The following CEP68 variants were observed in gnomAD, a reference collection of about 807,000 sequenced individuals.
The protein encoded by CEP68 is centrosomal protein 68.
Under a neutral mutation model 55.3 loss-of-function variants are expected in CEP68, and 26 were observed. The ratio of observed to expected loss-of-function variants is 0.47; its 90% confidence interval spans 0.34 to 0.65. The LOEUF is 0.65. Ranked by LOEUF, CEP68 falls within the 30% of genes least tolerant of loss-of-function variation. The pLI is 0.01. For missense variants in CEP68, 957 were observed against 946.7 expected (o/e 1.01, Z -0.14); for synonymous variants, 402 against 383.2 (o/e 1.05, Z -0.57).
At chr2:65,079,204 G>C (rs547054378) in intron 5 of CEP68, among the ~76,000 whole-genome samples, 1 of 152,234 alleles carries the variant, frequency 6.6e-6, no homozygotes, top group African/African-American at 2.4e-5. Context: ...GCACTTTCCT[G>C]ACCAGCATGG....
In CEP68 at chr2:65,079,112, T is replaced by C. The variant is rs146803167; in HGVS notation, c.2104+1148T>C. On this transcript the variant is annotated intron_variant, in intron 5 of 6. Transcript: ENST00000377990. ...TATATTATGCCTCATTTTACATTTT[T>C]GAGTGAGATGGGATTTATACTGGAA... 1.2e-3 allele frequency among the ~76,000 whole-genome samples: 190 copies of C among 152,234 alleles called. 1 individual carries two copies. Among genetic ancestry groups the C allele is most frequent in the African/African-American group, 4.2e-3 (173 of 41,528 alleles).
At chr2:65,065,621 T>C (rs1251458234) in intron 1 of CEP68, among the ~76,000 whole-genome samples, 4 of 152,156 alleles carry the variant, frequency 2.6e-5, no homozygotes, top group Admixed American at 1.3e-4. Flanking sequence ...CACTTTTAAA[T>C]TAAATAGTGA....
At chr2:65,079,300 A>C (rs754370731) in intron 5 of CEP68, among the ~76,000 whole-genome samples, 1 of 152,046 alleles carries the variant, frequency 6.6e-6, no homozygotes. Flanking sequence ...TTTTGTGGGG[A>C]ATTGTCCTAT....
chr2:65,072,884 G>C lies in CEP68; in HGVS notation c.1788G>C (p.Arg596Ser). ...LLKTRPSLPA[R>S]LDRWPFSDPD... ...AAACACGCCCCTCCTTGCCAGCTAG[G>C]TTGGACCGGTGGCCATTCTCAGACC... is the stretch of plus-strand genomic sequence containing the variant. Residue 596 changes from arginine (R) to serine (S), a missense_variant, in exon 3 of 7, where the codon AGG becomes AGC. By Grantham distance (110) the Arg-to-Ser change is moderately radical. Coordinates refer to ENST00000377990, the MANE Select transcript of CEP68 (RefSeq NM_015147.3). 1 of 1,614,230 alleles carries C rather than the reference G, an allele frequency of 6.2e-7. No homozygotes were observed. The highest frequency in any genetic ancestry group is 1.7e-5 in the Admixed American group (1 of 60,032).
At chr2:65,068,893 C>A (rs1350968145) in intron 1 of CEP68, among the ~76,000 whole-genome samples, 2 of 152,180 alleles carry the variant, frequency 1.3e-5, no homozygotes, top group Non-Finnish European at 2.9e-5. Flanking sequence ...AGCCAAGCAT[C>A]TTGGAGGGCA....
At chr2:65,057,493 C>T (rs1245361569) in intron 1 of CEP68, among the ~76,000 whole-genome samples, 1 of 152,206 alleles carries the variant, frequency 6.6e-6, no homozygotes, top group Non-Finnish European at 1.5e-5. Context: ...TCAGTTTAAC[C>T]TCTTTTGCGC....
intron 4 of CEP68, among the ~76,000 whole-genome samples, chr2:65,077,332 A>G (rs1299303648): frequency 6.6e-6 from 1 of 152,162 alleles, no homozygotes; most frequent in Non-Finnish European, 1.5e-5. Flanking sequence ...ACAAACATCA[A>G]GAACACCAGC....
chr2:65,067,399 G>C (rs553586281), intron 1 of CEP68, among the ~76,000 whole-genome samples: 6 of 152,028 alleles, frequency 3.9e-5, no homozygotes, highest in Non-Finnish European at 8.8e-5. Flanking sequence ...GAACAAAAGT[G>C]GGGGAAGGAT....
At chr2:65,081,540 G>A (rs537039326) in intron 5 of CEP68, among the ~76,000 whole-genome samples, 1 of 152,306 alleles carries the variant, frequency 6.6e-6, no homozygotes, top group South Asian at 2.1e-4. Context: ...AACTAAGACA[G>A]CCTTTGTGCT....
chr2:65,069,389 T>C lies in CEP68; in HGVS notation c.-46-10T>C. 7.7e-7 allele frequency: 1 copy of C among 1,305,904 alleles called. No homozygotes were observed. The highest frequency in any genetic ancestry group is 1.0e-6 in the Non-Finnish European group (1 of 962,456). 80.9% of individuals were successfully genotyped at this position (1,305,904 alleles called of 1,614,324 possible). A position where few individuals can be genotyped will look rare whatever the true frequency, so the allele number is the denominator to read the frequency against. ...ATTTATATTTTTCTCTCCCTTCCCC[T>C]GTTTTGTAGGAAGCTGAAGTCTTCA... is the stretch of plus-strand genomic sequence containing the variant. On this transcript the variant is annotated splice_polypyrimidine_tract_variant and intron_variant, in intron 1 of 6. Coordinates refer to ENST00000377990, the MANE Select transcript of CEP68 (RefSeq NM_015147.3).
At chr2:65,062,039 C>A (rs926448793) in intron 1 of CEP68, among the ~76,000 whole-genome samples, 2 of 152,216 alleles carry the variant, frequency 1.3e-5, no homozygotes, top group Admixed American at 1.3e-4. Context: ...TGGCAATTAT[C>A]ACTTATTCCT....
At chr2:65,074,228 CAT>C (rs1676649317) in intron 3 of CEP68, 52 bp from the exon 4 acceptor site, 3 of 1,599,404 alleles carry the variant, frequency 1.9e-6, no homozygotes, top group East Asian at 4.5e-5. Flanking sequence ...CTTTTGATAA[CAT>C]AAATAGCTGT....
intron 1 of CEP68, among the ~76,000 whole-genome samples, chr2:65,061,296 C>T (rs530494713): frequency 1.6e-4 from 25 of 152,300 alleles, no homozygotes; most frequent in Non-Finnish European, 3.5e-4. Flanking sequence ...AGTGAGAAGG[C>T]GAGGGAACAG....
At position 65,082,550 on chromosome 2, in the gene CEP68, C is replaced by T. The variant is rs767715250; in HGVS notation, c.2119C>T (p.Leu707Phe). Residue 707 changes from leucine to phenylalanine, a missense_variant, in exon 6 of 7, where the codon CTT becomes TTT. Coordinates refer to ENST00000377990, the MANE Select transcript of CEP68 (RefSeq NM_015147.3). The stretch of plus-strand genomic sequence containing the variant: ...CTCATTGTTAGTTTTAGAGGATGTC[C>T]TTGGGAGGATCGCAAAGCAGTCTGG... ...LENTPVLEDV[L>F]GRIAKQSGEL... 6.3e-7 allele frequency: 1 copy of T among 1,576,842 alleles called. No homozygotes were observed. Among genetic ancestry groups the T allele is most frequent in the Admixed American group, 2.0e-5 (1 of 50,314 alleles).
At chr2:65,082,355 C>T (rs1337551411) in intron 5 of CEP68, among the ~76,000 whole-genome samples, 181 bp from the exon 6 acceptor site, 1 of 152,212 alleles carries the variant, frequency 6.6e-6, no homozygotes, top group East Asian at 1.9e-4. Context: ...AACATAGGTT[C>T]TCCAGTGCAA....
At chr2:65,063,294 TC>T (rs1317121187) in intron 1 of CEP68, among the ~76,000 whole-genome samples, 1 of 152,218 alleles carries the variant, frequency 6.6e-6, no homozygotes, top group African/African-American at 2.4e-5. Flanking sequence ...ACAAGGCAGT[TC>T]TGTTGTGTAC....
intron 1 of CEP68, among the ~76,000 whole-genome samples, chr2:65,060,888 C>T (rs2103744291): frequency 6.6e-6 from 1 of 152,030 alleles, no homozygotes; most frequent in Non-Finnish European, 1.5e-5. Context: ...TCTTTAAAGG[C>T]TATCTAGGTT....
Position 65,085,034 on chromosome 2 carries a change from T to A in CEP68, c.*1400T>A, listed in dbSNP as rs184542641. ...AGAGTTGGTTAAAAAGGTAGAGATG[T>A]CTGACGGCCTCTTCTTAAATTGATA... On this transcript the variant is annotated 3_prime_UTR_variant, in exon 7 of 7. Coordinates refer to ENST00000377990, the MANE Select transcript of CEP68 (RefSeq NM_015147.3). 1 of 152,228 alleles carries A rather than the reference T, an allele frequency of 6.6e-6. No individual in the cohort carries two copies. The highest frequency in any genetic ancestry group is 1.9e-4 in the East Asian group (1 of 5,208). The allele number at this position is 152,228 out of a possible 1,614,324, so 9.4% of individuals were successfully genotyped here. A position where few individuals can be genotyped will look rare whatever the true frequency, so the allele number is the denominator to read the frequency against.
chr2:65,062,308 C>T (rs1042160863), intron 1 of CEP68, among the ~76,000 whole-genome samples: 1 of 152,188 alleles, frequency 6.6e-6, no homozygotes, highest in Non-Finnish European at 1.5e-5. Flanking sequence ...CCGAGGCAGG[C>T]AGGTCACTTG....
Sources: gnomAD v4.1 joint callset for allele counts (sites outside exome capture counted in the v4.1 genomes callset) on GRCh38, gnomAD v4.1.1 for gene constraint, MANE v1.5 for transcripts, NCBI Gene and HGNC (gene_info 2026-07-23, HGNC 2026-07-21) for gene names.